GALNT13: variants seen among roughly 807,000 people sequenced by gnomAD.
GALNT13 encodes UDP-GalNAc:polypeptide N-acetylgalactosaminyltransferase 13.
GALNT13 carries 28 observed loss-of-function variants against 64.2 expected under a neutral mutation model. That is an observed-to-expected ratio of 0.44 (90% CI 0.32 to 0.60). GALNT13 has a LOEUF of 0.60. Among genes scored for constraint, GALNT13 ranks in the 20% least tolerant of loss-of-function variants. The pLI, the probability that GALNT13 is intolerant of heterozygous loss-of-function variation, is 0.05. For synonymous variants in GALNT13, 214 were observed against 224.6 expected (o/e 0.95, Z 0.42); for missense variants, 577 against 669.8 (o/e 0.86, Z 1.53).
At chr2:153,649,781 G>C in the GALNT13 span, among the ~76,000 whole-genome samples, 1 of 152,250 alleles carries the variant, frequency 6.6e-6, no homozygotes, top group Admixed American at 6.5e-5. Context: ...GGTTTTGAGT[G>C]AGTTTCTTAA....
At chr2:154,440,863 A>G (rs1454763977) in intron 12 of GALNT13, among the ~76,000 whole-genome samples, 6 of 152,140 alleles carry the variant, frequency 3.9e-5, no homozygotes, top group Admixed American at 1.3e-4. Context: ...GTGCGATTAT[A>G]TTTTTGAGAA....
At chr2:153,377,846 A>G in the GALNT13 span, among the ~76,000 whole-genome samples, 1 of 152,204 alleles carries the variant, frequency 6.6e-6, no homozygotes. Flanking sequence ...GATTAACAAT[A>G]AAGAGAGTTC....
intron 3 of GALNT13, among the ~76,000 whole-genome samples, chr2:154,136,310 T>G (rs540321442): frequency 6.6e-6 from 1 of 152,340 alleles, no homozygotes; most frequent in East Asian, 1.9e-4. Context: ...GCTTGTACCA[T>G]TATTCATCAC....
intron 11 of GALNT13, among the ~76,000 whole-genome samples, chr2:154,438,210 A>G (rs1331297215): frequency 3.6e-5 from 5 of 139,712 alleles, no homozygotes; most frequent in African/African-American, 1.2e-4. Context: ...GTAGAATTGG[A>G]GAACTGGTCA....
the GALNT13 span, among the ~76,000 whole-genome samples, chr2:153,544,014 G>A: frequency 3.0e-4 from 46 of 152,244 alleles, no homozygotes; most frequent in East Asian, 7.7e-3. Context: ...GGGAGCACAC[G>A]TCATCAGCTG....
the GALNT13 span, among the ~76,000 whole-genome samples, chr2:153,495,973 G>A: frequency 1.3e-5 from 2 of 152,148 alleles, no homozygotes; most frequent in Non-Finnish European, 2.9e-5. Flanking sequence ...GTCTTGGCAG[G>A]CAGAGTTCCT....
At chr2:153,081,575 G>A in the GALNT13 span, among the ~76,000 whole-genome samples, 9 of 151,972 alleles carry the variant, frequency 5.9e-5, no homozygotes, top group African/African-American at 1.9e-4. Context: ...CGAGTTCAAA[G>A]GTTCTGAGCT....
intron 9 of GALNT13, among the ~76,000 whole-genome samples, chr2:154,376,850 A>T (rs1324726134): frequency 6.6e-6 from 1 of 152,116 alleles, no homozygotes; most frequent in Admixed American, 6.6e-5. Flanking sequence ...ACTATAGTAA[A>T]TATCTAAGGA....
chr2:154,383,380 T>A lies in GALNT13; in HGVS notation c.1157-12611T>A, dbSNP rs550627996. Among the ~76,000 whole-genome samples the A allele has an allele frequency of 9.9e-5, 15 of 152,056 alleles. 1 individual carries two copies. The East Asian group carries it at 2.7e-3, about 27-fold the overall frequency. On this transcript the variant is annotated intron_variant, in intron 9 of 12. Coordinates refer to ENST00000392825, the MANE Select transcript of GALNT13 (RefSeq NM_052917.4). ...TATAAATAGAAATCTTTAGATGTCA[T>A]AAAGAACATTCCTGCTGAAAAAAAA...
intron 3 of GALNT13, among the ~76,000 whole-genome samples, chr2:154,097,247 C>G (rs1702121501): frequency 2.0e-5 from 3 of 151,944 alleles, no homozygotes; most frequent in Admixed American, 2.0e-4. Flanking sequence ...ACATCTCTGT[C>G]CTCGCTTAAT....
intron 11 of GALNT13, among the ~76,000 whole-genome samples, chr2:154,432,716 G>C (rs141978074): frequency 6.6e-6 from 1 of 152,020 alleles, no homozygotes; most frequent in African/African-American, 2.4e-5. Flanking sequence ...TCATCACATG[G>C]CTGTCTTTTC....
At chr2:154,408,728 A>G (rs10203895) in intron 10 of GALNT13, among the ~76,000 whole-genome samples, 67,850 of 151,786 alleles carry the variant, frequency 0.45, 16,091 homozygotes, top group East Asian at 0.63. Context: ...ACTATGCTAT[A>G]AACAGGGAAT....
At chr2:153,555,363 T>G in the GALNT13 span, among the ~76,000 whole-genome samples, 3 of 137,008 alleles carry the variant, frequency 2.2e-5, 1 homozygote, top group African/African-American at 2.8e-5. Flanking sequence ...CCCGGCTAAT[T>G]TTTTGTATTT....
At chr2:153,818,429 C>T in the GALNT13 span, among the ~76,000 whole-genome samples, 20 of 152,160 alleles carry the variant, frequency 1.3e-4, no homozygotes, top group Non-Finnish European at 2.4e-4. Context: ...TGTGCAGCAA[C>T]TCTACCTCTG....
At chr2:154,130,627 T>C (rs1053848800) in intron 3 of GALNT13, among the ~76,000 whole-genome samples, 2 of 152,156 alleles carry the variant, frequency 1.3e-5, no homozygotes, top group Non-Finnish European at 2.9e-5. Context: ...TAAATTAATG[T>C]TTGGAGCTCT....
At chr2:153,625,189 C>G in the GALNT13 span, among the ~76,000 whole-genome samples, 1 of 151,984 alleles carries the variant, frequency 6.6e-6, no homozygotes, top group Admixed American at 6.6e-5. Context: ...CCATTTTCCT[C>G]ATAGATTAAG....
At chr2:154,248,022 G>C (rs566944619) in intron 7 of GALNT13, among the ~76,000 whole-genome samples, 16 of 152,190 alleles carry the variant, frequency 1.1e-4, no homozygotes, top group African/African-American at 3.1e-4. Context: ...AATCATTCTA[G>C]ATGTTGAAGA....
At chr2:153,341,539 G>A in the GALNT13 span, among the ~76,000 whole-genome samples, 402 of 152,264 alleles carry the variant, frequency 2.6e-3, 12 homozygotes, top group East Asian at 0.063. Context: ...TAGCTTTTGC[G>A]TATGGTGCAA....
At chr2:153,484,318 A>G in the GALNT13 span, among the ~76,000 whole-genome samples, 3 of 152,304 alleles carry the variant, frequency 2.0e-5, no homozygotes, top group East Asian at 5.8e-4. Flanking sequence ...CATTTTAGTG[A>G]GTATAGTATT....
Sources: gnomAD v4.1 joint callset for allele counts (sites outside exome capture counted in the v4.1 genomes callset) on GRCh38, gnomAD v4.1.1 for gene constraint, MANE v1.5 for transcripts, NCBI Gene and HGNC (gene_info 2026-07-23, HGNC 2026-07-21) for gene names.